The following KCNN2 variants were observed in gnomAD, a reference collection of about 807,000 sequenced individuals.
KCNN2 encodes the protein small conductance calcium-activated potassium channel protein 2.
KCNN2 carries 24 observed loss-of-function variants against 55.5 expected under a neutral mutation model. The ratio of observed to expected loss-of-function variants is 0.43; its 90% CI spans 0.31 to 0.61. The LOEUF (loss-of-function observed/expected upper bound fraction) is 0.61, where lower values mean the gene tolerates loss of function less well. Ranked by LOEUF, KCNN2 falls within the 20% of genes least tolerant of loss-of-function variation. The pLI, the probability that KCNN2 is intolerant of heterozygous loss-of-function variation, is 0.08. For synonymous variants in KCNN2, 431 were observed against 336.1 expected (o/e 1.28, Z -3.09); for missense variants, 754 against 853.6 (o/e 0.88, Z 1.45).
chr5:114,099,958 A>G (rs1751341199), intron 1 of KCNN2, among the ~76,000 whole-genome samples: 1 of 151,998 alleles, frequency 6.6e-6, no homozygotes. Flanking sequence ...ACTCCATAGG[A>G]TATGAGATGC....
rs533403872 is a variant in KCNN2 at position 114,135,450 on chromosome 5, C to T, written c.-271+78950C>T. 3.9e-5 allele frequency among the ~76,000 whole-genome samples: 6 copies of T among 152,288 alleles called. No homozygotes were observed. In the South Asian group the frequency reaches 1.2e-3, roughly 32 times the overall value. On this transcript the variant is annotated intron_variant, in intron 1 of 10. Transcript: ENST00000512097. ...CATCTAAATATTAAGACCCCCCAACCCGACTCCAAACAGTCATCTTTTCCC... is the reference window on the plus strand; with the variant it reads ...CATCTAAATATTAAGACCCCCCAACTCGACTCCAAACAGTCATCTTTTCCC...
chr5:114,129,519 CCTT>C (rs1210936257), intron 1 of KCNN2, among the ~76,000 whole-genome samples: 3 of 152,186 alleles, frequency 2.0e-5, no homozygotes, highest in South Asian at 2.1e-4. Context: ...GGTCACAAAA[CCTT>C]CTTCCATCCT....
At chr5:114,173,481 T>TGA (rs1554073040) in intron 1 of KCNN2, among the ~76,000 whole-genome samples, 2 of 134,708 alleles carry the variant, frequency 1.5e-5, no homozygotes, top group East Asian at 4.6e-4. Context: ...TGTGTGTGTG[T>TGA]GATTCCCCAT....
At chr5:114,265,368 TAAAG>T (rs1755189923) in intron 2 of KCNN2, among the ~76,000 whole-genome samples, 1 of 149,090 alleles carries the variant, frequency 6.7e-6, no homozygotes, top group Non-Finnish European at 1.5e-5. Flanking sequence ...TGTGTGTGCA[TAAAG>T]AGATTTATTA....
chr5:114,346,061 C>A (rs568345242), intron 2 of KCNN2, among the ~76,000 whole-genome samples: 1 of 152,314 alleles, frequency 6.6e-6, no homozygotes, highest in East Asian at 1.9e-4. Flanking sequence ...GGATTACAGG[C>A]ATGAGCCACA....
chr5:114,383,586 C>T (rs540215461), intron 2 of KCNN2, among the ~76,000 whole-genome samples: 53 of 151,732 alleles, frequency 3.5e-4, no homozygotes, highest in Non-Finnish European at 6.6e-4. Context: ...CTCCTGCCTC[C>T]GCTTCCCAAG....
intron 2 of KCNN2, among the ~76,000 whole-genome samples, chr5:114,302,275 G>T (rs1479671344): frequency 2.0e-5 from 3 of 152,194 alleles, no homozygotes; most frequent in Non-Finnish European, 4.4e-5. Context: ...ATTCCTTGGG[G>T]ATTGAGGTCT....
At chr5:114,243,207 A>G (rs932452461) in intron 2 of KCNN2, among the ~76,000 whole-genome samples, 13 of 152,356 alleles carry the variant, frequency 8.5e-5, no homozygotes, top group Middle Eastern at 3.4e-3. Context: ...TTAAGAGGAA[A>G]GAAAAAGATG....
intron 1 of KCNN2, among the ~76,000 whole-genome samples, chr5:114,057,723 T>C (rs904662610): frequency 1.3e-5 from 2 of 152,182 alleles, no homozygotes; most frequent in African/African-American, 4.8e-5. Context: ...GGAAGTTCTC[T>C]TGGTGGTAGT....
chr5:114,108,065 A>G (rs938322730), intron 1 of KCNN2, among the ~76,000 whole-genome samples: 1 of 151,748 alleles, frequency 6.6e-6, no homozygotes, highest in African/African-American at 2.4e-5. Context: ...TCTAAAAATA[A>G]TGGTGGCTCT....
intron 2 of KCNN2, among the ~76,000 whole-genome samples, chr5:114,297,191 C>T (rs959912691): frequency 5.9e-5 from 9 of 151,880 alleles, no homozygotes; most frequent in South Asian, 2.1e-4. Context: ...AATGTGGTGG[C>T]GCCTGTAATC....
chr5:114,478,165 G>A (rs1002836878), intron 5 of KCNN2, among the ~76,000 whole-genome samples: 2 of 152,078 alleles, frequency 1.3e-5, no homozygotes, highest in Non-Finnish European at 2.9e-5. Flanking sequence ...TGGCACCCTG[G>A]TGCATTCCCC....
At chr5:114,377,628 CA>C (rs1757984415) in intron 2 of KCNN2, among the ~76,000 whole-genome samples, 1 of 152,154 alleles carries the variant, frequency 6.6e-6, no homozygotes, top group Admixed American at 6.6e-5. Context: ...TCTATCTAGA[CA>C]GACATTTGTG....
At chr5:114,119,874 A>G (rs1429687625) in intron 1 of KCNN2, among the ~76,000 whole-genome samples, 1 of 152,156 alleles carries the variant, frequency 6.6e-6, no homozygotes, top group Non-Finnish European at 1.5e-5. Flanking sequence ...CAGACTTACT[A>G]TGTCTTGGTG....
intron 1 of KCNN2, among the ~76,000 whole-genome samples, chr5:114,145,453 C>G (rs1400148288): frequency 6.6e-6 from 1 of 152,084 alleles, no homozygotes; most frequent in East Asian, 1.9e-4. Flanking sequence ...TTTGATCTGC[C>G]TTAGAAGTTT....
In KCNN2 at chr5:114,400,442, C is replaced by T. The variant is rs542355898; in HGVS notation, c.1219-3996C>T. Among the ~76,000 whole-genome samples, 6 of 152,306 alleles carry T rather than the reference C, an allele frequency of 3.9e-5. No individual in the cohort carries two copies. The East Asian group carries it at 1.2e-3, about 29-fold the overall frequency. On this transcript the variant is annotated intron_variant, in intron 2 of 7. Transcript: ENST00000673685. ...TTTATCCTTCCTTCCACAACTGCCCCTCTTCACCCTGTTTTCCCCAGAGCA... is the reference window on the plus strand; with the variant it reads ...TTTATCCTTCCTTCCACAACTGCCCTTCTTCACCCTGTTTTCCCCAGAGCA...
chr5:114,059,380 T>C (rs1750278858), intron 1 of KCNN2, among the ~76,000 whole-genome samples: 1 of 152,162 alleles, frequency 6.6e-6, no homozygotes, highest in South Asian at 2.1e-4. Flanking sequence ...AGTATGAAGC[T>C]TGAGGGAGAT....
intron 1 of KCNN2, among the ~76,000 whole-genome samples, chr5:114,208,387 G>A (rs1208411623): frequency 6.6e-6 from 1 of 151,934 alleles, no homozygotes; most frequent in Non-Finnish European, 1.5e-5. Context: ...TATGTGGGGT[G>A]ATTCTGTTAA....
intron 1 of KCNN2, among the ~76,000 whole-genome samples, chr5:114,155,394 G>T (rs903544091): frequency 6.6e-6 from 1 of 152,068 alleles, no homozygotes; most frequent in Non-Finnish European, 1.5e-5. Flanking sequence ...ATTTCTTTGG[G>T]TGTATACCCG....
Sources: allele counts gnomAD v4.1 joint callset (sites outside exome capture counted in the v4.1 genomes callset), GRCh38; gene constraint gnomAD v4.1.1; transcripts MANE v1.5; gene names NCBI Gene and HGNC (gene_info 2026-07-23, HGNC 2026-07-21).